Variants in DOCK8 observed in about 807,000 individuals in gnomAD.
The protein encoded by DOCK8 is dedicator of cytokinesis protein 8.
Under a neutral mutation model 245.6 loss-of-function variants are expected in DOCK8, and 141 were observed. That is an observed-to-expected ratio of 0.57 (90% CI 0.50 to 0.66). DOCK8 has a LOEUF of 0.66. Ranked by LOEUF, DOCK8 falls within the 30% of genes least tolerant of loss-of-function variation. The pLI, the probability that DOCK8 is intolerant of heterozygous loss-of-function variation, is 0.00. For missense variants in DOCK8, 2,965 were observed against 2,603.4 expected, an observed-to-expected ratio of 1.14 and a Z score of -3.02; for synonymous variants, 1,168 against 970.2, an observed-to-expected ratio of 1.20 and a Z score of -3.79.
At chr9:376,596 C>G (rs2053527944) in intron 19 of DOCK8, among the ~76,000 whole-genome samples, 1 of 152,166 alleles carries the variant, frequency 6.6e-6, no homozygotes, top group African/African-American at 2.4e-5. Context: ...CTTCTTTTCC[C>G]TCTGTAACTC....
chr9:233,234 T>C (rs2047161008), intron 1 of DOCK8, among the ~76,000 whole-genome samples: 1 of 152,130 alleles, frequency 6.6e-6, no homozygotes, highest in South Asian at 2.1e-4. Context: ...TCCTGAGTTC[T>C]AGTTTGATTG....
rs550311304 is a variant in DOCK8, at chr9:446,475, A to G, written c.5686A>G (p.Thr1896Ala). The G allele has an allele frequency of 1.2e-6, 2 of 1,614,084 alleles. No individual in the cohort carries two copies. Among genetic ancestry groups the G allele is most frequent in the East Asian group, 4.5e-5 (2 of 44,876 alleles). ...KNFNLRRFMY[T>A]TPFTLEGRPR... ...TTTCAACCTCCGGAGGTTCATGTAC[A>G]CCACCCCGTTCACCCTGGAGGGGCG... is the stretch of plus-strand genomic sequence containing the variant. Residue 1896 changes from threonine (T) to alanine (A), a missense_variant, in exon 44 of 48, where the codon ACC becomes GCC. Coordinates refer to ENST00000432829, the MANE Select transcript of DOCK8 (RefSeq NM_203447.4).
intron 24 of DOCK8, among the ~76,000 whole-genome samples, chr9:392,853 C>A (rs1451444638): frequency 6.6e-6 from 1 of 151,892 alleles, no homozygotes; most frequent in Non-Finnish European, 1.5e-5. Context: ...CCTTTATATC[C>A]TGCTTCTATT....
chr9:437,336 A>C (rs1346217900), intron 39 of DOCK8, among the ~76,000 whole-genome samples: 2 of 152,132 alleles, frequency 1.3e-5, no homozygotes, highest in African/African-American at 4.8e-5. Context: ...TTAGGTTTAC[A>C]TCTCTAGGTT....
chr9:332,272 ATATG>A, intron 9 of DOCK8, 122 bp from the exon 10 acceptor site: 1 of 659,622 alleles, frequency 1.5e-6, no homozygotes, highest in Non-Finnish European at 2.7e-6. Flanking sequence ...TAATAAAAAA[ATATG>A]TATCACAGAT....
intron 46 of DOCK8, among the ~76,000 whole-genome samples, 169 bp from the exon 47 acceptor site, chr9:463,348 A>G (rs1259018597): frequency 2.6e-5 from 4 of 152,336 alleles, no homozygotes; most frequent in Middle Eastern, 3.4e-3. Flanking sequence ...AGTCTGAGAT[A>G]GATCCCAGAA....
At chr9:286,720 G>A in intron 3 of DOCK8, 84 bp downstream of exon 3, 1 of 1,300,648 alleles carries the variant, frequency 7.7e-7, no homozygotes, top group Non-Finnish European at 1.1e-6. Flanking sequence ...CCTTCAATCT[G>A]AACTTAAAAA....
chr9:341,583 A>G (rs2051592704), intron 14 of DOCK8, among the ~76,000 whole-genome samples: 1 of 152,208 alleles, frequency 6.6e-6, no homozygotes, highest in African/African-American at 2.4e-5. Flanking sequence ...TTTTATCATC[A>G]TGAAATTATG....
At chr9:335,335 T>G (rs938354408) in intron 11 of DOCK8, among the ~76,000 whole-genome samples, 1 of 152,218 alleles carries the variant, frequency 6.6e-6, no homozygotes, top group Non-Finnish European at 1.5e-5. Flanking sequence ...GTGGGGTTTC[T>G]CTTTCCCTAA....
chr9:242,489 T>G (rs2047397708), intron 1 of DOCK8, among the ~76,000 whole-genome samples: 1 of 152,236 alleles, frequency 6.6e-6, no homozygotes, highest in Non-Finnish European at 1.5e-5. Context: ...TTAATAATTA[T>G]TTTTTAAAAT....
intron 18 of DOCK8, among the ~76,000 whole-genome samples, chr9:375,816 G>C (rs180693180): frequency 6.6e-6 from 1 of 152,278 alleles, no homozygotes. Flanking sequence ...GGGCAACATG[G>C]TGAAACCACA....
rs1206465165 is a variant in DOCK8 at position 283,292 on chromosome 9, C to A, written c.157-3169C>A. Among the ~76,000 whole-genome samples, 3 of 152,182 alleles carry A rather than the reference C, an allele frequency of 2.0e-5. No homozygotes were observed. In the East Asian group the frequency reaches 5.8e-4, roughly 29 times the overall value. On this transcript the variant is annotated intron_variant, in intron 2 of 47. Coordinates refer to ENST00000432829, the MANE Select transcript of DOCK8 (RefSeq NM_203447.4). ...CGAAAATGCAAAATTCAAAATGCTC[C>A]AAAATCTGAAACTTTTTTTGTGCCT...
chr9:364,352 G>C (rs2052875309), intron 14 of DOCK8, among the ~76,000 whole-genome samples: 1 of 152,162 alleles, frequency 6.6e-6, no homozygotes, highest in Admixed American at 6.5e-5. Flanking sequence ...GTTTAATGTG[G>C]CTGGGCATAG....
rs180928267 is a variant in DOCK8 at position 332,468 on chromosome 9, A to G, written c.1115A>G (p.Asp372Gly). Residue 372 changes from aspartate (D) to glycine (G), a missense_variant, in exon 10 of 48, where the codon GAT (aspartate) becomes GGT (glycine). This residue lies in a region of DOCK8 where 2,825 missense variants were observed against 2,453.5 expected (regional missense o/e 1.15). Coordinates refer to ENST00000432829, the MANE Select transcript of DOCK8 (RefSeq NM_203447.4). ...CCCTACACGGTTATCAAAGAAAGTG[A>G]TGGTGGAAAGGTATGGTAATTTGAG... ...AEPYTVIKES[D>G]GGKSKEKIEK... 11 of 1,611,290 alleles carry G rather than the reference A, an allele frequency of 6.8e-6. No homozygotes were observed. The Admixed American group carries it at 8.3e-5, about 12-fold the overall frequency.
At chr9:242,395 G>C (rs1026971926) in intron 1 of DOCK8, among the ~76,000 whole-genome samples, 2 of 152,164 alleles carry the variant, frequency 1.3e-5, no homozygotes, top group Non-Finnish European at 1.5e-5. Context: ...GATAGGAGAG[G>C]ACAAATGTAA....
intron 4 of DOCK8, among the ~76,000 whole-genome samples, chr9:297,758 AAGG>A (rs1304208925): frequency 1.3e-5 from 2 of 152,138 alleles, no homozygotes; most frequent in African/African-American, 4.8e-5. Flanking sequence ...TGCTGCTGTC[AAGG>A]AGCTTTGAGA....
At chr9:214,711 G>A (rs951448459), upstream of DOCK8, 3 of 1,549,588 alleles carry the variant, frequency 1.9e-6, no homozygotes, top group African/African-American at 2.8e-5. Flanking sequence ...GTATCGGGAG[G>A]CCAGTTCCGC....
chr9:343,113 C>G (rs996301228), intron 14 of DOCK8, among the ~76,000 whole-genome samples: 2 of 152,188 alleles, frequency 1.3e-5, no homozygotes, highest in African/African-American at 4.8e-5. Flanking sequence ...AACTTCAGAG[C>G]TCACCTGATC....
upstream of DOCK8, among the ~76,000 whole-genome samples, chr9:211,466 A>G (rs1234306391): frequency 6.6e-6 from 1 of 152,164 alleles, no homozygotes; most frequent in Non-Finnish European, 1.5e-5. Flanking sequence ...TCATCTAGTG[A>G]TAGAAACAGA....
Sources: gnomAD v4.1 joint callset for allele counts (sites outside exome capture counted in the v4.1 genomes callset) on GRCh38, gnomAD v4.1.1 for gene constraint, gnomAD v4.1.1 regional missense constraint, MANE v1.5 for transcripts, NCBI Gene and HGNC (gene_info 2026-07-23, HGNC 2026-07-21) for gene names.